The following IFI16 variants were observed in gnomAD, a reference collection of about 807,000 sequenced individuals.
The protein encoded by IFI16 is gamma-interferon-inducible protein 16.
A neutral mutation model predicts 68.4 loss-of-function variants in IFI16; 49 were observed. The ratio of observed to expected loss-of-function variants is 0.72; its 90% CI spans 0.57 to 0.91. The LOEUF (loss-of-function observed/expected upper bound fraction) is 0.91. Ranked by LOEUF, IFI16 falls within the 40% of genes least tolerant of loss-of-function variation. The pLI is 0.00. For synonymous variants in IFI16, 307 were observed against 315.0 expected (o/e 0.97, Z 0.27); for missense variants, 878 against 942.9 (o/e 0.93, Z 0.90).
intron 6 of IFI16, among the ~76,000 whole-genome samples, chr1:159,025,704 T>C (rs1038824150): frequency 8.5e-5 from 13 of 152,352 alleles, no homozygotes; most frequent in African/African-American, 2.2e-4. Context: ...TCTTTGTTTT[T>C]GTTGCATTTG....
intron 7 of IFI16, among the ~76,000 whole-genome samples, chr1:159,039,533 G>A (rs559010388): frequency 2.6e-5 from 4 of 152,136 alleles, no homozygotes; most frequent in Admixed American, 6.5e-5. Flanking sequence ...TAGTAGAGAC[G>A]GGGTTTAACC....
At chr1:159,012,090 G>C (rs1341051806) in intron 1 of IFI16, among the ~76,000 whole-genome samples, 4 of 122,440 alleles carry the variant, frequency 3.3e-5, no homozygotes, top group Non-Finnish European at 7.3e-5. Context: ...CTTTTGGCTG[G>C]CAGAATTTTT....
chr1:159,014,724 A>AG lies in IFI16; in HGVS notation c.46dup (p.Val16GlyfsTer4). On this transcript the variant is annotated frameshift_variant, in exon 2 of 12. Coordinates refer to ENST00000295809, the MANE Select transcript of IFI16 (RefSeq NM_001376587.1). LOFTEE classifies it high-confidence loss of function. ...AACATTGTTCTACTAAAAGGATTAGAGGTCATCAATGATTATCATTTTAGA... is the reference window on the plus strand; with the variant it reads ...AACATTGTTCTACTAAAAGGATTAGAGGGTCATCAATGATTATCATTTTAGA... 1 of 1,607,816 alleles carries AG rather than the reference A, an allele frequency of 6.2e-7. No homozygotes were observed. Among genetic ancestry groups the AG allele is most frequent in the Non-Finnish European group, 8.5e-7 (1 of 1,174,646 alleles).
intron 6 of IFI16, among the ~76,000 whole-genome samples, chr1:159,026,440 A>G (rs1244303372): frequency 6.6e-6 from 1 of 152,014 alleles, no homozygotes; most frequent in Non-Finnish European, 1.5e-5. Context: ...CTGGGATTAC[A>G]GGTGCTTGCC....
In IFI16 at chr1:159,018,406, A is replaced by G; in HGVS notation, c.727A>G (p.Lys243Glu). ...VATQTQFFHV[K>E]VLNTSLKEKF... Reference sequence around the variant, plus strand: ...TACACAGACACAGTTCTTCCATGTGAAGGTTTTAAACACCAGCTTGAAGGA... The same window carrying G: ...TACACAGACACAGTTCTTCCATGTGGAGGTTTTAAACACCAGCTTGAAGGA... The change falls in exon 5 of 12, where the codon AAG becomes GAG. Residue 243 changes from lysine to glutamate, a missense_variant. Coordinates refer to ENST00000295809, the MANE Select transcript of IFI16 (RefSeq NM_001376587.1). 1 of 1,614,150 alleles carries G rather than the reference A, an allele frequency of 6.2e-7. No individual in the cohort carries two copies. Among genetic ancestry groups the G allele is most frequent in the Non-Finnish European group, 8.5e-7 (1 of 1,179,956 alleles).
At chr1:159,038,415 A>T (rs1434363958) in intron 7 of IFI16, among the ~76,000 whole-genome samples, 1 of 152,132 alleles carries the variant, frequency 6.6e-6, no homozygotes, top group African/African-American at 2.4e-5. Context: ...CCTAGGCTGG[A>T]GTGCAGTGGC....
At chr1:159,040,063 G>A (rs1654533451) in intron 7 of IFI16, among the ~76,000 whole-genome samples, 1 of 152,132 alleles carries the variant, frequency 6.6e-6, no homozygotes, top group Non-Finnish European at 1.5e-5. Flanking sequence ...TAAATAAAAT[G>A]TATACAAATA....
At chr1:159,035,699 T>C (rs2101883030) in intron 7 of IFI16, among the ~76,000 whole-genome samples, 1 of 152,288 alleles carries the variant, frequency 6.6e-6, no homozygotes, top group African/African-American at 2.4e-5. Context: ...ATTTTCTCTA[T>C]GGTATACGCT....
At chr1:159,022,483 G>A (rs1164668063) in intron 6 of IFI16, among the ~76,000 whole-genome samples, 4 of 152,154 alleles carry the variant, frequency 2.6e-5, no homozygotes, top group African/African-American at 9.7e-5. Context: ...TGCTGCGTTC[G>A]GTTTCCATTG....
At chr1:159,033,884 C>T (rs1331456364) in intron 7 of IFI16, among the ~76,000 whole-genome samples, 1 of 152,132 alleles carries the variant, frequency 6.6e-6, no homozygotes, top group Non-Finnish European at 1.5e-5. Flanking sequence ...TAACAGAGTG[C>T]ATTTTCTATA....
At chr1:159,005,647 G>A (rs1652226646), upstream of IFI16, among the ~76,000 whole-genome samples, 1 of 152,206 alleles carries the variant, frequency 6.6e-6, no homozygotes, top group Admixed American at 6.5e-5. Flanking sequence ...GGAAGGACTG[G>A]CTGAGAGAAG....
rs190710283 is a variant in IFI16 at position 159,045,537 on chromosome 1, C to T, written c.1497+73C>T. 2.6e-5 allele frequency: 41 copies of T among 1,564,764 alleles called. 2 individuals are homozygous for T. The African/African-American group carries it at 4.5e-4, about 17-fold the overall frequency. ...ACAAGGATTAACACAACCTTGAAAGCACCTCACCAATCCCCTACTACATAC... is the reference window on the plus strand; with the variant it reads ...ACAAGGATTAACACAACCTTGAAAGTACCTCACCAATCCCCTACTACATAC... On this transcript the variant is annotated intron_variant, in intron 8 of 11. Coordinates refer to ENST00000295809, the MANE Select transcript of IFI16 (RefSeq NM_001376587.1).
At chr1:159,003,604 G>A (rs1054924331), upstream of IFI16, among the ~76,000 whole-genome samples, 3 of 151,750 alleles carry the variant, frequency 2.0e-5, no homozygotes. Flanking sequence ...AAGGCGATAG[G>A]TATTTGCACC....
At chr1:159,012,371 A>T (rs910005863) in intron 1 of IFI16, among the ~76,000 whole-genome samples, 1 of 152,200 alleles carries the variant, frequency 6.6e-6, no homozygotes. Context: ...TATTTAGTGT[A>T]TATATTCTAA....
rs16841534 is a variant in IFI16, at chr1:159,034,184, T to C, written c.1329+1493T>C. ...AAGAATCTTTCTAGCAAAGTGATGA[T>C]CAAAACATCTAAAGCAACATAAGGC... On this transcript the variant is annotated intron_variant, in intron 7 of 11. Transcript: ENST00000295809. 4.0e-3 allele frequency among the ~76,000 whole-genome samples: 607 copies of C among 152,314 alleles called. 6 individuals are homozygous for C. The highest frequency in any genetic ancestry group is 0.013 in the African/African-American group (558 of 41,574).
intron 7 of IFI16, among the ~76,000 whole-genome samples, chr1:159,036,045 G>C (rs1654313779): frequency 6.6e-6 from 1 of 152,144 alleles, no homozygotes; most frequent in African/African-American, 2.4e-5. Flanking sequence ...ACTCGATCTA[G>C]GGTTTCTGTC....
chr1:159,002,601 T>TA (rs1029445497), upstream of IFI16, among the ~76,000 whole-genome samples: 21 of 152,334 alleles, frequency 1.4e-4, no homozygotes, highest in African/African-American at 5.1e-4. Context: ...CTGCTTGTAA[T>TA]ATATAAGCAT....
chr1:159,001,070 A>G (rs1240352763), upstream of IFI16, among the ~76,000 whole-genome samples: 1 of 152,252 alleles, frequency 6.6e-6, no homozygotes, highest in Non-Finnish European at 1.5e-5. Flanking sequence ...TTTATAAAAA[A>G]GAAAAATTAA....
chr1:159,037,079 GCTCTGATCTT>G (rs1171767493), intron 7 of IFI16, among the ~76,000 whole-genome samples: 5 of 152,152 alleles, frequency 3.3e-5, no homozygotes, highest in Non-Finnish European at 7.3e-5. Context: ...GTCATTATCT[GCTCTGATCTT>G]CTCTGCTATT....
Sources: gnomAD v4.1 joint callset for allele counts (sites outside exome capture counted in the v4.1 genomes callset) on GRCh38, gnomAD v4.1.1 for gene constraint, MANE v1.5 for transcripts, NCBI Gene and HGNC (gene_info 2026-07-23, HGNC 2026-07-21) for gene names.